The following FER variants were observed in gnomAD, a reference collection of about 807,000 sequenced individuals.
FER encodes tyrosine-protein kinase Fer.
Under a neutral mutation model 111.0 loss-of-function variants are expected in FER, and 63 were observed. That is an observed-to-expected ratio of 0.57 (90% CI 0.46 to 0.70). The LOEUF (loss-of-function observed/expected upper bound fraction) is 0.70. Among genes scored for constraint, FER ranks in the 30% least tolerant of loss-of-function variants. FER has a pLI of 0.00. For synonymous variants in FER, 327 were observed against 313.9 expected, an observed-to-expected ratio of 1.04 and a Z score of -0.44; for missense variants, 914 against 954.0, an observed-to-expected ratio of 0.96 and a Z score of 0.55.
chr5:108,867,891 C>T lies in FER; in HGVS notation c.606C>T (p.Ile202=), dbSNP rs1245661348. ...AQLHQNQYYD[I]TLPLLLDSLQ... is the part of the protein sequence containing the mutation. Reference sequence around the variant, plus strand: ...TCCATCAGAATCAGTATTATGATATCACACTTCCCCTGCTTCTGGACTCCT... The same window carrying T: ...TCCATCAGAATCAGTATTATGATATTACACTTCCCCTGCTTCTGGACTCCT... The change falls in exon 6 of 20, where the codon ATC becomes ATT. Residue 202 remains isoleucine (I), a synonymous_variant. Coordinates refer to ENST00000281092, the MANE Select transcript of FER (RefSeq NM_005246.4). The T allele has an allele frequency of 2.1e-5, 34 of 1,612,984 alleles. No homozygotes were observed. Among genetic ancestry groups the T allele is most frequent in the Non-Finnish European group, 2.8e-5 (33 of 1,179,436 alleles).
At chr5:109,026,926 A>T (rs950124021) in intron 13 of FER, among the ~76,000 whole-genome samples, 1 of 151,818 alleles carries the variant, frequency 6.6e-6, no homozygotes, top group Non-Finnish European at 1.5e-5. Context: ...TGAACTGCCC[A>T]CCTCGGCCTC....
At chr5:109,020,873 T>C (rs1356780162) in intron 13 of FER, among the ~76,000 whole-genome samples, 1 of 152,036 alleles carries the variant, frequency 6.6e-6, no homozygotes, top group Non-Finnish European at 1.5e-5. Context: ...CTCAATCGTT[T>C]TGAAATTTTC....
intron 16 of FER, among the ~76,000 whole-genome samples, chr5:109,097,239 C>G (rs1336033959): frequency 6.6e-6 from 1 of 151,992 alleles, no homozygotes; most frequent in Non-Finnish European, 1.5e-5. Context: ...GTCATGCTAT[C>G]TCCCTAGTAA....
At chr5:108,911,005 ATAG>A (rs1348194868) in intron 10 of FER, among the ~76,000 whole-genome samples, 1 of 152,066 alleles carries the variant, frequency 6.6e-6, no homozygotes, top group Non-Finnish European at 1.5e-5. Context: ...ACTGGGTCAA[ATAG>A]TAGTAGTTCT....
chr5:108,878,357 G>A (rs1193678041), intron 8 of FER, among the ~76,000 whole-genome samples: 1 of 151,700 alleles, frequency 6.6e-6, no homozygotes. Context: ...CTACCTTCTA[G>A]GTTTAACTCA....
At chr5:109,024,618 G>C (rs192238035) in intron 13 of FER, among the ~76,000 whole-genome samples, 2 of 152,222 alleles carry the variant, frequency 1.3e-5, no homozygotes, top group African/African-American at 2.4e-5. Flanking sequence ...AAAGCCAGGA[G>C]TCTCATCTTT....
intron 1 of FER, among the ~76,000 whole-genome samples, chr5:108,755,796 G>C (rs1751032321): frequency 6.6e-6 from 1 of 151,448 alleles, no homozygotes; most frequent in African/African-American, 2.4e-5. Flanking sequence ...GCAGTGTTCA[G>C]TTTTGATAAC....
chr5:108,942,788 G>A (rs1400085441), intron 10 of FER, among the ~76,000 whole-genome samples: 1 of 152,066 alleles, frequency 6.6e-6, no homozygotes, highest in African/African-American at 2.4e-5. Context: ...AGTCTTCTCT[G>A]GGGTTATAAT....
intron 16 of FER, among the ~76,000 whole-genome samples, chr5:109,076,701 G>A (rs981782390): frequency 1.3e-5 from 2 of 152,184 alleles, no homozygotes; most frequent in Non-Finnish European, 2.9e-5. Flanking sequence ...ACCTCCCAAA[G>A]TGTTGGGATT....
chr5:109,045,762 A>G (rs1250270199), intron 15 of FER, among the ~76,000 whole-genome samples: 1 of 152,232 alleles, frequency 6.6e-6, no homozygotes, highest in East Asian at 1.9e-4. Context: ...GGAGGCCTGG[A>G]AAGTCCTTGG....
At chr5:108,880,069 A>G (rs1765537190) in intron 8 of FER, among the ~76,000 whole-genome samples, 2 of 151,998 alleles carry the variant, frequency 1.3e-5, no homozygotes, top group Admixed American at 6.6e-5. Flanking sequence ...ATGTCTGTCT[A>G]GTAGAATGTA....
rs1754623221 is a variant in FER, at chr5:108,931,228, A to T, written c.1237-14902A>T. On this transcript the variant is annotated intron_variant, in intron 10 of 19. Transcript: ENST00000281092. ...CTAAGCAGGTTAGTATTCTCTTTTC[A>T]ACAGAGACTTCAAATGGTATATTGT... is the stretch of plus-strand genomic sequence containing the variant. Among the ~76,000 whole-genome samples the T allele has an allele frequency of 2.0e-5, 3 of 152,302 alleles. No individual in the cohort carries two copies. In the South Asian group the frequency reaches 6.2e-4, roughly 32 times the overall value.
At chr5:108,879,701 A>AAATATATAT in intron 8 of FER, among the ~76,000 whole-genome samples, 123 of 99,090 alleles carry the variant, frequency 1.2e-3, no homozygotes, top group Middle Eastern at 5.4e-3. Flanking sequence ...ATTAAAAAAA[A>AAATATATAT]ATATATATAT....
intron 1 of FER, among the ~76,000 whole-genome samples, chr5:108,752,193 A>AG (rs1750581627): frequency 6.6e-6 from 1 of 152,118 alleles, no homozygotes. Context: ...TTTAAAATCA[A>AG]GGCTCCAATT....
Position 109,035,369 on chromosome 5 carries a change from A to AT in FER, c.1657-2049dup, listed in dbSNP as rs1222474683. Reference sequence around the variant, plus strand: ...GCATTATAGATTGTCCTTCTCTAGAATTTTATGTAAATGGAATTAGTATCT... The same window carrying AT: ...GCATTATAGATTGTCCTTCTCTAGAATTTTTATGTAAATGGAATTAGTATCT... On this transcript the variant is annotated intron_variant, in intron 13 of 19. Coordinates refer to ENST00000281092, the MANE Select transcript of FER (RefSeq NM_005246.4). Among the ~76,000 whole-genome samples the AT allele has an allele frequency of 2.0e-5, 3 of 152,294 alleles. No homozygotes were observed. The East Asian group carries it at 5.8e-4, about 29-fold the overall frequency.
chr5:108,877,916 T>C (rs1031958339), intron 8 of FER, among the ~76,000 whole-genome samples: 10 of 150,442 alleles, frequency 6.6e-5, no homozygotes, highest in African/African-American at 2.4e-4. Context: ...CTTTGTATCT[T>C]TTTTTTTTAG....
intron 10 of FER, among the ~76,000 whole-genome samples, chr5:108,903,275 C>T (rs1174912558): frequency 6.6e-6 from 1 of 152,192 alleles, no homozygotes; most frequent in Non-Finnish European, 1.5e-5. Flanking sequence ...TTTTTCTTCT[C>T]TGCACATGTT....
At chr5:109,064,578 G>A (rs929300424) in intron 16 of FER, among the ~76,000 whole-genome samples, 4 of 152,006 alleles carry the variant, frequency 2.6e-5, no homozygotes, top group African/African-American at 9.7e-5. Flanking sequence ...AAGTTTTCAT[G>A]GTACATTTGA....
chr5:109,052,748 T>C (rs1298171525), intron 16 of FER, among the ~76,000 whole-genome samples: 1 of 152,200 alleles, frequency 6.6e-6, no homozygotes, highest in African/African-American at 2.4e-5. Context: ...ATAGAACATA[T>C]TATGAGTAGT....
Sources: gnomAD v4.1 joint callset for allele counts (sites outside exome capture counted in the v4.1 genomes callset) on GRCh38, gnomAD v4.1.1 for gene constraint, MANE v1.5 for transcripts, NCBI Gene and HGNC (gene_info 2026-07-23, HGNC 2026-07-21) for gene names.